The following OPCML variants were observed in gnomAD, a reference collection of about 807,000 sequenced individuals.
OPCML encodes opioid binding protein/cell adhesion molecule like.
In OPCML, 13 loss-of-function variants were observed where a neutral mutation model predicts 37.8. The ratio of observed to expected loss-of-function variants is 0.34; its 90% CI spans 0.22 to 0.55. The LOEUF (loss-of-function observed/expected upper bound fraction) is 0.55, where lower values mean the gene tolerates loss of function less well. Ranked by LOEUF, OPCML falls within the 20% of genes least tolerant of loss-of-function variation. The probability of loss-of-function intolerance (pLI) is 0.91; values close to 1 mark genes in which losing one functional copy is unlikely to be tolerated. For synonymous variants in OPCML, 176 were observed against 168.8 expected (o/e 1.04, Z -0.33); for missense variants, 341 against 435.6 (o/e 0.78, Z 1.93).
intron 1 of OPCML, among the ~76,000 whole-genome samples, chr11:133,480,485 G>A (rs528171268): frequency 7.9e-5 from 12 of 152,186 alleles, no homozygotes; most frequent in South Asian, 2.1e-4. Context: ...CCACTTGCTC[G>A]CCACGTGACT....
chr11:132,531,750 C>T (rs905454452), intron 3 of OPCML, among the ~76,000 whole-genome samples: 1 of 109,910 alleles, frequency 9.1e-6, no homozygotes, highest in Non-Finnish European at 1.7e-5. Flanking sequence ...GAAACATGTT[C>T]TACCCGTTTT....
At chr11:133,428,793 T>TA (rs936329869) in intron 1 of OPCML, among the ~76,000 whole-genome samples, 9 of 152,270 alleles carry the variant, frequency 5.9e-5, no homozygotes, top group South Asian at 4.1e-4. Flanking sequence ...GAAATTCCAA[T>TA]AAAAAAATCA....
chr11:133,266,367 A>C (rs1045815865), intron 1 of OPCML, among the ~76,000 whole-genome samples: 1 of 152,030 alleles, frequency 6.6e-6, no homozygotes, highest in Non-Finnish European at 1.5e-5. Flanking sequence ...CAAGACCCCC[A>C]ATCTTTCATG....
chr11:132,514,631 G>T (rs4581454), intron 4 of OPCML, among the ~76,000 whole-genome samples: 31,739 of 152,052 alleles, frequency 0.21, 3,408 homozygotes, highest in Non-Finnish European at 0.23. Context: ...TATCAGGAGA[G>T]TCTTAAAATA....
intron 2 of OPCML, among the ~76,000 whole-genome samples, chr11:132,824,488 T>C (rs1362529410): frequency 1.3e-5 from 2 of 152,170 alleles, no homozygotes; most frequent in African/African-American, 4.8e-5. Flanking sequence ...TTTTATCATC[T>C]CATTTTTTGT....
intron 4 of OPCML, among the ~76,000 whole-genome samples, chr11:132,501,566 A>G (rs1439161035): frequency 6.6e-6 from 1 of 152,246 alleles, no homozygotes; most frequent in African/African-American, 2.4e-5. Flanking sequence ...GTACACAGAC[A>G]GATGGACAGT....
intron 1 of OPCML, among the ~76,000 whole-genome samples, chr11:133,464,336 T>C (rs1018137983): frequency 6.6e-6 from 1 of 152,210 alleles, no homozygotes; most frequent in Non-Finnish European, 1.5e-5. Flanking sequence ...CATCAAGCAA[T>C]GTTTTTGTCC....
At chr11:133,159,918 A>G (rs1347339544) in intron 1 of OPCML, among the ~76,000 whole-genome samples, 14 of 152,214 alleles carry the variant, frequency 9.2e-5, no homozygotes. Flanking sequence ...CTGTGGTTTC[A>G]GCCTTGTCTT....
chr11:133,246,627 TC>T (rs1344340626), intron 1 of OPCML, among the ~76,000 whole-genome samples: 1 of 152,146 alleles, frequency 6.6e-6, no homozygotes, highest in Non-Finnish European at 1.5e-5. Flanking sequence ...GGCAGAGACA[TC>T]CGGGGCAAAC....
chr11:132,538,643 C>G (rs147958419), intron 3 of OPCML, among the ~76,000 whole-genome samples: 5 of 152,104 alleles, frequency 3.3e-5, no homozygotes, highest in Non-Finnish European at 7.4e-5. Flanking sequence ...CAAGGAGAGA[C>G]GACACCCCAA....
chr11:132,519,153 A>G (rs1334256588), intron 4 of OPCML, among the ~76,000 whole-genome samples: 1 of 152,212 alleles, frequency 6.6e-6, no homozygotes, highest in Non-Finnish European at 1.5e-5. Flanking sequence ...CAGCTTAAAG[A>G]CATCATAATT....
At chr11:132,515,197 C>A (rs1166988287) in intron 4 of OPCML, among the ~76,000 whole-genome samples, 2 of 152,124 alleles carry the variant, frequency 1.3e-5, no homozygotes, top group Non-Finnish European at 2.9e-5. Context: ...ATCATTAAAA[C>A]CAAACTATTT....
In OPCML at chr11:132,930,726, G is replaced by A. The variant is rs570164098; in HGVS notation, c.146+12200C>T. Among the ~76,000 whole-genome samples the A allele has an allele frequency of 2.0e-5, 3 of 152,236 alleles. No homozygotes were observed. The East Asian group carries it at 5.8e-4, about 29-fold the overall frequency. ...TAAAGAACACAAAAATAAGTGAAAA[G>A]ACATGTTGTGTTTATGAATTGGTAG... On this transcript the variant is annotated intron_variant, in intron 2 of 7. Coordinates refer to ENST00000524381, the MANE Select transcript of OPCML (RefSeq NM_001012393.5).
At chr11:132,504,650 C>T (rs1199860303) in intron 4 of OPCML, among the ~76,000 whole-genome samples, 1 of 151,954 alleles carries the variant, frequency 6.6e-6, no homozygotes, top group Non-Finnish European at 1.5e-5. Context: ...GAGTTTCTCA[C>T]CACAAGAACT....
At chr11:132,769,852 T>C (rs1591584751) in intron 2 of OPCML, among the ~76,000 whole-genome samples, 1 of 152,182 alleles carries the variant, frequency 6.6e-6, no homozygotes, top group Non-Finnish European at 1.5e-5. Flanking sequence ...ATACAGGTTA[T>C]AGGCATTTAC....
At chr11:132,893,227 A>G (rs899783028) in intron 2 of OPCML, among the ~76,000 whole-genome samples, 3 of 152,148 alleles carry the variant, frequency 2.0e-5, no homozygotes, top group Admixed American at 6.5e-5. Flanking sequence ...GTGCCGCTGC[A>G]CTCCAGCCTG....
At chr11:133,139,363 T>G (rs576776407) in intron 1 of OPCML, among the ~76,000 whole-genome samples, 1 of 151,422 alleles carries the variant, frequency 6.6e-6, no homozygotes, top group East Asian at 1.9e-4. Context: ...AATCCTCACA[T>G]TAACCTTCCT....
intron 2 of OPCML, among the ~76,000 whole-genome samples, chr11:132,726,389 T>C (rs1430818406): frequency 6.6e-6 from 1 of 152,126 alleles, no homozygotes; most frequent in Non-Finnish European, 1.5e-5. Flanking sequence ...TTCACTATCA[T>C]GTGAACAGCA....
chr11:133,173,420 A>G lies in OPCML; in HGVS notation c.62-230410T>C, dbSNP rs1378387025. Among the ~76,000 whole-genome samples the G allele has an allele frequency of 6.6e-6, 1 of 152,212 alleles. No individual in the cohort carries two copies. The highest frequency in any genetic ancestry group is 6.5e-5 in the Admixed American group (1 of 15,282). On this transcript the variant is annotated intron_variant, in intron 1 of 7. Coordinates refer to ENST00000524381, the MANE Select transcript of OPCML (RefSeq NM_001012393.5). This position sits in a 1 kb window ranked among gnomAD's most constrained non-coding sequence, Gnocchi z 7.8. ...TATGTTGCACACTGTAAGAACTTAA[A>G]AGAATAATAAATCGAGTGAACAAAT...
Sources: gnomAD v4.1 joint callset for allele counts (sites outside exome capture counted in the v4.1 genomes callset) on GRCh38, gnomAD v4.1.1 for gene constraint, Gnocchi (gnomAD v3.1) non-coding constraint, MANE v1.5 for transcripts, NCBI Gene and HGNC (gene_info 2026-07-23, HGNC 2026-07-21) for gene names.